Variants in DTNA observed in about 807,000 individuals in gnomAD.
The protein encoded by DTNA is dystrophin-related protein 3.
DTNA carries 43 observed loss-of-function variants against 100.7 expected under a neutral mutation model. That is an observed-to-expected ratio of 0.43 (90% CI 0.33 to 0.55). The LOEUF is 0.55. Ranked by LOEUF, DTNA falls within the 20% of genes least tolerant of loss-of-function variation. The pLI, the probability that DTNA is intolerant of heterozygous loss-of-function variation, is 0.04. For missense variants in DTNA, 798 were observed against 953.9 expected (o/e 0.84, Z 2.15); for synonymous variants, 349 against 347.9 (o/e 1.00, Z -0.04).
At chr18:34,647,444 G>A (rs1365684011) in intron 1 of DTNA, among the ~76,000 whole-genome samples, 2 of 152,156 alleles carry the variant, frequency 1.3e-5, no homozygotes, top group East Asian at 3.8e-4. Context: ...AGGAGCAGGC[G>A]CCTAGAAGTA....
intron 1 of DTNA, among the ~76,000 whole-genome samples, chr18:34,564,016 G>A (rs2146278932): frequency 6.6e-6 from 1 of 152,264 alleles, no homozygotes; most frequent in East Asian, 1.9e-4. Flanking sequence ...CTCTTAGCAA[G>A]TTTCAAGTAT....
At chr18:34,842,078 G>A (rs2096278670) in intron 13 of DTNA, among the ~76,000 whole-genome samples, 1 of 152,264 alleles carries the variant, frequency 6.6e-6, no homozygotes, top group East Asian at 1.9e-4. Context: ...ATGTGATACA[G>A]TGTGGGCTTT....
chr18:34,611,673 C>T (rs2054236911), intron 1 of DTNA, among the ~76,000 whole-genome samples: 1 of 152,122 alleles, frequency 6.6e-6, no homozygotes, highest in African/African-American at 2.4e-5. Context: ...TAAACTAAAC[C>T]ATGTGGGCTC....
At chr18:34,686,045 T>C (rs1316883499) in intron 1 of DTNA, among the ~76,000 whole-genome samples, 1 of 152,146 alleles carries the variant, frequency 6.6e-6, no homozygotes, top group African/African-American at 2.4e-5. Flanking sequence ...TGGGCTGAGA[T>C]GATGGGGTTT....
At chr18:34,654,610 T>A (rs1440120397) in intron 1 of DTNA, among the ~76,000 whole-genome samples, 3 of 152,336 alleles carry the variant, frequency 2.0e-5, no homozygotes, top group South Asian at 4.1e-4. Flanking sequence ...ATACCTCATA[T>A]GGGTACATTC....
intron 16 of DTNA, among the ~76,000 whole-genome samples, chr18:34,862,228 C>G (rs1420443318): frequency 1.3e-5 from 2 of 150,420 alleles, no homozygotes; most frequent in African/African-American, 4.9e-5. Flanking sequence ...AATGCTTCAA[C>G]CCAGGAAGAC....
chr18:34,607,165 T>A (rs982243231), intron 1 of DTNA, among the ~76,000 whole-genome samples: 3 of 152,238 alleles, frequency 2.0e-5, no homozygotes, highest in Non-Finnish European at 4.4e-5. Context: ...GCACCATTTT[T>A]ATCCAATAGC....
chr18:34,654,356 T>C (rs187574582), intron 1 of DTNA, among the ~76,000 whole-genome samples: 2 of 152,348 alleles, frequency 1.3e-5, no homozygotes, highest in East Asian at 3.9e-4. Context: ...GACAGTCGTG[T>C]ACTAGGTACA....
At chr18:34,788,715 A>G (rs2094597477) in intron 3 of DTNA, among the ~76,000 whole-genome samples, 1 of 152,226 alleles carries the variant, frequency 6.6e-6, no homozygotes, top group Non-Finnish European at 1.5e-5. Flanking sequence ...ATTTATGACA[A>G]CAAAACTAAG....
Position 34,557,440 on chromosome 18 carries a change from C to T in DTNA, c.-2+63926C>T, listed in dbSNP as rs527425369. Among the ~76,000 whole-genome samples, 516 of 152,196 alleles carry T rather than the reference C, an allele frequency of 3.4e-3. 4 individuals are homozygous for T. The highest frequency in any genetic ancestry group is 0.012 in the African/African-American group (484 of 41,464). On this transcript the variant is annotated intron_variant, in intron 1 of 19. Transcript: ENST00000283365. ...CTGCGTTCCTTTGGAGGAGGAGAGG[C>T]GCTCTGCGTTTCAGAGTTTCCCGTT...
At chr18:34,676,946 T>C (rs1344257428) in intron 1 of DTNA, among the ~76,000 whole-genome samples, 1 of 152,130 alleles carries the variant, frequency 6.6e-6, no homozygotes, top group Non-Finnish European at 1.5e-5. Flanking sequence ...TATAGTAGGA[T>C]TGATGCCTTT....
chr18:34,618,893 G>C (rs117009663), intron 1 of DTNA, among the ~76,000 whole-genome samples: 3 of 152,114 alleles, frequency 2.0e-5, no homozygotes, highest in African/African-American at 4.8e-5. Flanking sequence ...AGCTCAAAGA[G>C]TGTAGGGGAA....
chr18:34,602,936 G>A (rs1372598723), intron 1 of DTNA, among the ~76,000 whole-genome samples: 2 of 151,954 alleles, frequency 1.3e-5, no homozygotes, highest in African/African-American at 4.8e-5. Context: ...CGGTGAGGCA[G>A]AGGTTGCAGT....
intron 8 of DTNA, 107 bp downstream of exon 8, chr18:34,818,437 A>G: frequency 2.6e-6 from 4 of 1,546,782 alleles, no homozygotes; most frequent in South Asian, 1.2e-5. Flanking sequence ...CTTACCTTCC[A>G]TCCCAGGTCT....
chr18:34,628,480 ATATCCCTTGGCCTG>A (rs1223419492), intron 1 of DTNA, among the ~76,000 whole-genome samples: 3 of 152,360 alleles, frequency 2.0e-5, no homozygotes, highest in Admixed American at 2.0e-4. Context: ...AGAAAGACTC[ATATCCCTTGGCCTG>A]TACTTACACA....
At chr18:34,760,883 A>G (rs777229101) in intron 2 of DTNA, among the ~76,000 whole-genome samples, 1 of 152,190 alleles carries the variant, frequency 6.6e-6, no homozygotes, top group African/African-American at 2.4e-5. Flanking sequence ...CTTATATCCA[A>G]CTGTCCTGTG....
chr18:34,713,961 G>GA, intron 1 of DTNA, among the ~76,000 whole-genome samples: 1 of 152,044 alleles, frequency 6.6e-6, no homozygotes, highest in Non-Finnish European at 1.5e-5. Flanking sequence ...TGACAAACCT[G>GA]AGAAAAACAA....
chr18:34,673,138 A>G (rs1019982205), intron 1 of DTNA, among the ~76,000 whole-genome samples: 2 of 152,124 alleles, frequency 1.3e-5, no homozygotes, highest in African/African-American at 4.8e-5. Context: ...TCAGGCTGAA[A>G]TGCAGTGGCA....
At chr18:34,536,292 G>A (rs1303981410) in intron 1 of DTNA, among the ~76,000 whole-genome samples, 1 of 151,806 alleles carries the variant, frequency 6.6e-6, no homozygotes, top group Non-Finnish European at 1.5e-5. Context: ...CCTGCTCACT[G>A]CCAAGTTTTT....
Sources: allele counts gnomAD v4.1 joint callset (sites outside exome capture counted in the v4.1 genomes callset), GRCh38; gene constraint gnomAD v4.1.1; transcripts MANE v1.5; gene names NCBI Gene and HGNC (gene_info 2026-07-23, HGNC 2026-07-21).